The following PRRX2 variants were observed in gnomAD, a reference collection of about 807,000 sequenced individuals.
PRRX2 encodes the protein paired related homeobox 2.
In PRRX2, 11 loss-of-function variants were observed where a neutral mutation model predicts 18.0. The observed-to-expected ratio is 0.61, with a 90% CI of 0.39 to 1.01. The LOEUF is 1.01. Ranked by LOEUF, PRRX2 falls within the 50% of genes least tolerant of loss-of-function variation. The probability of loss-of-function intolerance (pLI) is 0.01; values close to 1 mark genes in which losing one functional copy is unlikely to be tolerated. For missense variants in PRRX2, 387 were observed against 351.0 expected (o/e 1.10, Z -0.82); for synonymous variants, 177 against 154.8 (o/e 1.14, Z -1.06).
In PRRX2 at chr9:129,675,658, C is replaced by T. The variant is rs529754432; in HGVS notation, c.259+9532C>T. Among the ~76,000 whole-genome samples the T allele has an allele frequency of 7.2e-5, 11 of 152,096 alleles. 1 individual carries two copies. The highest frequency in any genetic ancestry group is 5.8e-4 in the East Asian group (3 of 5,170). Reference sequence around the variant, plus strand: ...CCTCCCCCACTGCCGGTCTCCCCCTCGCTGGCCTCCCTTCTTGCCGTGGGC... The same window carrying T: ...CCTCCCCCACTGCCGGTCTCCCCCTTGCTGGCCTCCCTTCTTGCCGTGGGC... On this transcript the variant is annotated intron_variant, in intron 1 of 3. Coordinates refer to ENST00000372469, the MANE Select transcript of PRRX2 (RefSeq NM_016307.4). This position sits in a 1 kb window ranked among gnomAD's most constrained non-coding sequence, Gnocchi z 4.4.
At chr9:129,682,089 C>T (rs958660874) in intron 1 of PRRX2, among the ~76,000 whole-genome samples, 18 of 152,080 alleles carry the variant, frequency 1.2e-4, no homozygotes, top group Non-Finnish European at 1.5e-5. Context: ...ATGCCCGTGG[C>T]CTCCTCCTGT....
chr9:129,692,993 G>C (rs776840452), intron 1 of PRRX2, among the ~76,000 whole-genome samples: 1 of 152,198 alleles, frequency 6.6e-6, no homozygotes, highest in Non-Finnish European at 1.5e-5. Context: ...CAAAGTGGCT[G>C]TACCATTTCG....
In PRRX2 at chr9:129,700,379, C is replaced by T. The variant is rs1003891564; in HGVS notation, c.260-18852C>T. 3.3e-5 allele frequency among the ~76,000 whole-genome samples: 5 copies of T among 151,344 alleles called. 1 individual carries two copies. In the South Asian group the frequency reaches 1.0e-3, roughly 32 times the overall value. On this transcript the variant is annotated intron_variant, in intron 1 of 3. Coordinates refer to ENST00000372469, the MANE Select transcript of PRRX2 (RefSeq NM_016307.4). ...TTTTAGATGAAGCCTCGCTCTGTCG[C>T]CCAGGCTGGAGTGCAGTGGCGCAAT...
intron 1 of PRRX2, among the ~76,000 whole-genome samples, chr9:129,682,882 A>G (rs1832251323): frequency 6.6e-6 from 1 of 152,008 alleles, no homozygotes; most frequent in African/African-American, 2.4e-5. Flanking sequence ...GAGTGGGCGG[A>G]TCACCTGAGG....
At chr9:129,684,726 C>G (rs1312909401) in intron 1 of PRRX2, among the ~76,000 whole-genome samples, 1 of 152,164 alleles carries the variant, frequency 6.6e-6, no homozygotes, top group Admixed American at 6.5e-5. Flanking sequence ...CCACGTGGTG[C>G]TCCTGGGTGT....
rs1034155114 is a variant in PRRX2, at chr9:129,671,954, G to A, written c.259+5828G>A. Among the ~76,000 whole-genome samples, 1 of 151,926 alleles carries A rather than the reference G, an allele frequency of 6.6e-6. No individual in the cohort carries two copies. Among genetic ancestry groups the A allele is most frequent in the Non-Finnish European group, 1.5e-5 (1 of 67,966 alleles). Reference sequence around the variant, plus strand: ...GGACTAAAGCGGGTGGGAGGGGAGGGGCAGCACGGAACGGGCTCTGTGCCT... The same window carrying A: ...GGACTAAAGCGGGTGGGAGGGGAGGAGCAGCACGGAACGGGCTCTGTGCCT... On this transcript the variant is annotated intron_variant, in intron 1 of 3. Coordinates refer to ENST00000372469, the MANE Select transcript of PRRX2 (RefSeq NM_016307.4). The surrounding 1 kb of genome is among the most constrained non-coding windows in gnomAD (Gnocchi z 4.0).
chr9:129,703,008 G>A (rs1433060242), intron 1 of PRRX2, among the ~76,000 whole-genome samples: 1 of 152,260 alleles, frequency 6.6e-6, no homozygotes, highest in African/African-American at 2.4e-5. Flanking sequence ...GGGACCACAG[G>A]GAGGTGGACT....
At chr9:129,720,829 G>T in intron 3 of PRRX2, 55 bp downstream of exon 3, 3 of 1,462,368 alleles carry the variant, frequency 2.1e-6, no homozygotes, top group Non-Finnish European at 1.8e-6. Context: ...AATCCCAGAG[G>T]GCTTTTCCGG....
At chr9:129,707,529 T>C (rs144995135) in intron 1 of PRRX2, among the ~76,000 whole-genome samples, 3 of 152,264 alleles carry the variant, frequency 2.0e-5, no homozygotes, top group Non-Finnish European at 4.4e-5. Flanking sequence ...CTCACACGTG[T>C]AATCCCAGTA....
At chr9:129,710,377 C>T (rs1832603474) in intron 1 of PRRX2, among the ~76,000 whole-genome samples, 1 of 152,198 alleles carries the variant, frequency 6.6e-6, no homozygotes, top group African/African-American at 2.4e-5. Context: ...GGACCCAAGA[C>T]CCTCCTTTGT....
intron 1 of PRRX2, among the ~76,000 whole-genome samples, chr9:129,668,434 G>A (rs1420028969): frequency 6.6e-6 from 1 of 152,172 alleles, no homozygotes; most frequent in Non-Finnish European, 1.5e-5. Context: ...ATCCAGACAT[G>A]CTTGGAGGTG....
intron 1 of PRRX2, among the ~76,000 whole-genome samples, chr9:129,708,394 G>A (rs1157380535): frequency 2.0e-5 from 3 of 152,120 alleles, no homozygotes; most frequent in Non-Finnish European, 4.4e-5. Flanking sequence ...TCTCATCATG[G>A]TTTTGATTTG....
intron 1 of PRRX2, among the ~76,000 whole-genome samples, chr9:129,669,883 T>C (rs971318329): frequency 6.6e-6 from 1 of 151,842 alleles, no homozygotes; most frequent in African/African-American, 2.4e-5. Context: ...TTTACAAGAA[T>C]GCTGTCCGGT....
chr9:129,694,512 T>C (rs1832397128), intron 1 of PRRX2, among the ~76,000 whole-genome samples: 10 of 152,106 alleles, frequency 6.6e-5, no homozygotes, highest in Admixed American at 5.9e-4. Flanking sequence ...GACTCTGACA[T>C]TCTGTGCTGG....
intron 2 of PRRX2, among the ~76,000 whole-genome samples, chr9:129,719,715 A>C (rs1832764522): frequency 6.6e-6 from 1 of 152,254 alleles, no homozygotes; most frequent in African/African-American, 2.4e-5. Context: ...GGCCAGGCAC[A>C]GTGGCTTATG....
intron 1 of PRRX2, among the ~76,000 whole-genome samples, chr9:129,666,519 A>G (rs1832025161): frequency 6.6e-6 from 1 of 151,428 alleles, no homozygotes; most frequent in Non-Finnish European, 1.5e-5. Context: ...GCGCCGCCCC[A>G]GCTCCTCCTC....
chr9:129,665,872 A>G lies in PRRX2; in HGVS notation c.5A>G (p.Asp2Gly). The change falls in exon 1 of 4, where the codon GAC (aspartate) becomes GGC (glycine). Residue 2 changes from aspartate to glycine, a missense_variant. By Grantham distance (94) the Asp-to-Gly change is moderately conservative (BLOSUM62 -1). Coordinates refer to ENST00000372469, the MANE Select transcript of PRRX2 (RefSeq NM_016307.4). The surrounding 1 kb of genome is among the most constrained non-coding windows in gnomAD (Gnocchi z 5.3). M[D>G]SAAAAFALDK... ...CCCCCGGGGCCGCTCGCGGGCATGGACAGCGCGGCCGCCGCCTTCGCCCTG... is the reference window on the plus strand; with the variant it reads ...CCCCCGGGGCCGCTCGCGGGCATGGGCAGCGCGGCCGCCGCCTTCGCCCTG... 1 of 1,064,820 alleles carries G rather than the reference A, an allele frequency of 9.4e-7. No homozygotes were observed. Among genetic ancestry groups the G allele is most frequent in the Non-Finnish European group, 1.1e-6 (1 of 886,952 alleles). 66.0% of individuals were successfully genotyped at this position (1,064,820 alleles called of 1,614,324 possible). A position where few individuals can be genotyped will look rare whatever the true frequency, so the allele number is the denominator to read the frequency against.
At chr9:129,683,197 C>T (rs548428827) in intron 1 of PRRX2, among the ~76,000 whole-genome samples, 1 of 152,338 alleles carries the variant, frequency 6.6e-6, no homozygotes, top group South Asian at 2.1e-4. Context: ...AGGAACCCCT[C>T]CTGGGACTCC....
intron 1 of PRRX2, among the ~76,000 whole-genome samples, chr9:129,713,976 G>A (rs902828184): frequency 6.6e-6 from 1 of 151,740 alleles, no homozygotes; most frequent in Admixed American, 6.6e-5. Context: ...GATGTACGAC[G>A]TTGGGCAAGA....
Sources: allele counts gnomAD v4.1 joint callset (sites outside exome capture counted in the v4.1 genomes callset), GRCh38; gene constraint gnomAD v4.1.1; non-coding constraint Gnocchi (gnomAD v3.1); transcripts MANE v1.5; gene names NCBI Gene and HGNC (gene_info 2026-07-23, HGNC 2026-07-21).